The following PPP1R13L variants were observed in gnomAD, a reference collection of about 807,000 sequenced individuals.
PPP1R13L encodes the protein protein phosphatase 1 regulatory subunit 13 like, also known as relA-associated inhibitor.
In PPP1R13L, 50 loss-of-function variants were observed where a neutral mutation model predicts 80.9. The ratio of observed to expected loss-of-function variants is 0.62; its 90% CI spans 0.49 to 0.78. The LOEUF is 0.78. Among genes scored for constraint, PPP1R13L ranks in the 30% least tolerant of loss-of-function variants. The pLI is 0.00. For synonymous variants in PPP1R13L, 602 were observed against 534.3 expected (o/e 1.13, Z -1.75); for missense variants, 1,200 against 1,205.9 (o/e 1.00, Z 0.07).
Position 45,395,499 on chromosome 19 carries a change from G to C in PPP1R13L, c.1291C>G (p.Gln431Glu), listed in dbSNP as rs1165913468. The change falls in exon 7 of 13, where the codon CAA (glutamine) becomes GAA (glutamate). Residue 431 changes from glutamine to glutamate, a missense_variant. Coordinates refer to ENST00000360957, the MANE Select transcript of PPP1R13L (RefSeq NM_006663.4). ...QPQLPPQPQT[Q>E]PQTPTPAPQH... Reference sequence around the variant, plus strand: ...GGGGCTGGGGTAGGGGTTTGGGGTTGGGTCTGGGGCTGTGGGGGCAGCTGG... The same window carrying C: ...GGGGCTGGGGTAGGGGTTTGGGGTTCGGTCTGGGGCTGTGGGGGCAGCTGG... The C allele has an allele frequency of 1.3e-6, 2 of 1,485,742 alleles. No homozygotes were observed. The highest frequency in any genetic ancestry group is 2.8e-5 in the African/African-American group (2 of 71,544). 92.0% of individuals were successfully genotyped at this position (1,485,742 alleles called of 1,614,324 possible).
chr19:45,386,362 C>CAT (rs1235509602), intron 8 of PPP1R13L, among the ~76,000 whole-genome samples, 182 bp from the exon 9 acceptor site: 1 of 152,112 alleles, frequency 6.6e-6, no homozygotes, highest in East Asian at 1.9e-4. Context: ...AGTTCCCTGC[C>CAT]ATAGACAGGG....
At chr19:45,386,629 CTCT>C (rs1396291538) in intron 8 of PPP1R13L, among the ~76,000 whole-genome samples, 1 of 133,352 alleles carries the variant, frequency 7.5e-6, no homozygotes, top group Non-Finnish European at 1.6e-5. Flanking sequence ...TTTTCTTTTT[CTCT>C]TTTTTTTTTT....
intron 8 of PPP1R13L, among the ~76,000 whole-genome samples, 179 bp from the exon 9 acceptor site, chr19:45,386,359 T>C (rs944857730): frequency 1.3e-5 from 2 of 152,166 alleles, no homozygotes; most frequent in African/African-American, 4.8e-5. Context: ...TCCAGTTCCC[T>C]GCCATAGACA....
intron 8 of PPP1R13L, among the ~76,000 whole-genome samples, chr19:45,387,006 T>C (rs1457820558): frequency 6.6e-6 from 1 of 151,496 alleles, no homozygotes; most frequent in African/African-American, 2.4e-5. Context: ...AGGTGGCTCA[T>C]GTCTGTAATC....
chr19:45,403,966 C>G (rs1599781934), intron 1 of PPP1R13L, among the ~76,000 whole-genome samples: 1 of 152,148 alleles, frequency 6.6e-6, no homozygotes, highest in South Asian at 2.1e-4. Flanking sequence ...CCCACAATAC[C>G]CCAGGTCAGA....
Position 45,396,824 on chromosome 19 carries a change from C to G in PPP1R13L, c.433G>C (p.Ala145Pro). Residue 145 changes from alanine to proline, a missense_variant, in exon 4 of 13, where the codon GCC becomes CCC. This residue lies in a region of PPP1R13L where 764 missense variants were observed against 714.5 expected (regional missense o/e 1.07). Transcript: ENST00000360957. The surrounding 1 kb of genome is among the most constrained non-coding windows in gnomAD (Gnocchi z 5.3). ...AGGGAGCTGCCTGCGCCATCGAAGG[C>G]GCGGGGCCGGGGCGAGGTCGCGCGG... Reference protein sequence around the residue: ...LDRATSPRPRAFDGAGSSLGR... With the variant: ...LDRATSPRPRPFDGAGSSLGR... 3 of 1,466,950 alleles carry G rather than the reference C, an allele frequency of 2.0e-6. No individual in the cohort carries two copies. The highest frequency in any genetic ancestry group is 2.9e-5 in the East Asian group (1 of 34,934). The allele number at this position is 1,466,950 out of a possible 1,614,324, so 90.9% of individuals were successfully genotyped here. A position where few individuals can be genotyped will look rare whatever the true frequency, so the allele number is the denominator to read the frequency against.
chr19:45,398,198 C>T, intron 2 of PPP1R13L, 51 bp from the exon 3 acceptor site: 1 of 1,612,610 alleles, frequency 6.2e-7, no homozygotes, highest in South Asian at 1.1e-5. Flanking sequence ...CAGGGGCCGG[C>T]CTCAGCACCC....
chr19:45,396,520 C>A lies in PPP1R13L; in HGVS notation c.712+25G>T. On this transcript the variant is annotated intron_variant, in intron 4 of 12. Transcript: ENST00000360957. The surrounding 1 kb of genome is among the most constrained non-coding windows in gnomAD (Gnocchi z 5.3). ...CCGCTTTGACCCCGCGAGTCAAAGG[C>A]CCCGCGAGGGGCCCCTGGGTTCACC... 6.3e-7 allele frequency: 1 copy of A among 1,593,206 alleles called. No individual in the cohort carries two copies. Among genetic ancestry groups the A allele is most frequent in the Non-Finnish European group, 8.5e-7 (1 of 1,172,246 alleles).
At chr19:45,384,874 T>C (rs1972836097) in intron 11 of PPP1R13L, among the ~76,000 whole-genome samples, 2 of 151,960 alleles carry the variant, frequency 1.3e-5, no homozygotes, top group Admixed American at 1.3e-4. Flanking sequence ...AATAAATATT[T>C]GTAGAGACAG....
Position 45,386,152 on chromosome 19 carries a change from C to A in PPP1R13L, c.1844G>T (p.Gly615Val). 2.0e-6 allele frequency: 3 copies of A among 1,538,298 alleles called. No individual in the cohort carries two copies. Among genetic ancestry groups the A allele is most frequent in the Non-Finnish European group, 2.6e-6 (3 of 1,156,194 alleles). Residue 615 changes from glycine (G) to valine (V), a missense_variant, in exon 9 of 13, where the codon GGC (glycine) becomes GTC (valine). Gly to Val is a moderately radical substitution (Grantham distance 109). This residue lies in a region of PPP1R13L where 214 missense variants were observed against 199.6 expected (regional missense o/e 1.07). Transcript: ENST00000360957. ...CGCGCGGCGGGCCTTGCGCGGGGAG[C>A]CCGCCTTCCGCAGCACAGAGCGCAT... ...MEMRSVLRKA[G>V]SPRKARRARL...
In PPP1R13L at chr19:45,396,603, G is replaced by A. The variant is rs749557186; in HGVS notation, c.654C>T (p.Phe218=). 6.0e-6 allele frequency: 9 copies of A among 1,496,212 alleles called. No individual in the cohort carries two copies. In the South Asian group the frequency reaches 1.1e-4, roughly 18 times the overall value. The allele number at this position is 1,496,212 out of a possible 1,614,324, so 92.7% of individuals were successfully genotyped here. Residue 218 remains phenylalanine (F), a synonymous_variant, in exon 4 of 13, where the codon TTC becomes TTT. Transcript: ENST00000360957. This position sits in a 1 kb window ranked among gnomAD's most constrained non-coding sequence, Gnocchi z 5.3. ...CGCCGGAGCCTAGCAGGGAGCTCCC[G>A]AAGGCGGACGCTGGCGCGTCGTAGG... is the stretch of plus-strand genomic sequence containing the variant. The part of the protein sequence containing the change: ...ATAYDAPASA[F]GSSLLGSGGS...
At position 45,396,155 on chromosome 19, in the gene PPP1R13L, G is replaced by T. The variant is rs763450687; in HGVS notation, c.903+13C>A. 6.3e-7 allele frequency: 1 copy of T among 1,595,482 alleles called. No homozygotes were observed. The highest frequency in any genetic ancestry group is 1.1e-5 in the South Asian group (1 of 88,412). Reference sequence around the variant, plus strand: ...CTTCCCCAGCCTCTCCTCCCCAGGCGTCGCCTCCTCACCTTGCCGGTGCCC... The same window carrying T: ...CTTCCCCAGCCTCTCCTCCCCAGGCTTCGCCTCCTCACCTTGCCGGTGCCC... On this transcript the variant is annotated intron_variant, in intron 6 of 12. Transcript: ENST00000360957. The surrounding 1 kb of genome is among the most constrained non-coding windows in gnomAD (Gnocchi z 5.3).
At position 45,382,609 on chromosome 19, in the gene PPP1R13L, C is replaced by A; in HGVS notation, c.2366G>T (p.Arg789Leu). ...GTCGGTCTCCTCCGGCCCGTCCCTC[C>A]GCAGCACGGTGACCGACTCGCCCTC... ...FREGESVTVL[R>L]RDGPEETDWW... Residue 789 changes from arginine (R) to leucine (L), a missense_variant, in exon 12 of 13, where the codon CGG (arginine) becomes CTG (leucine). Around this residue, in one of 5 missense-constraint regions of PPP1R13L, gnomAD observed 165 missense variants for 177.1 expected, o/e 0.93. Transcript: ENST00000360957. The A allele has an allele frequency of 6.2e-7, 1 of 1,613,708 alleles. No homozygotes were observed. The highest frequency in any genetic ancestry group is 1.3e-5 in the African/African-American group (1 of 75,076).
chr19:45,391,538 C>A (rs1162007312), intron 8 of PPP1R13L, among the ~76,000 whole-genome samples: 1 of 152,192 alleles, frequency 6.6e-6, no homozygotes, highest in Non-Finnish European at 1.5e-5. Flanking sequence ...CCAGTGGGAG[C>A]AGGCAGAGTG....
chr19:45,405,126 G>T (rs1392448989), upstream of PPP1R13L: 5 of 881,618 alleles, frequency 5.7e-6, no homozygotes, highest in East Asian at 6.0e-4. Flanking sequence ...AGGGAGGCGG[G>T]TCCCGGTGGG....
intron 8 of PPP1R13L, among the ~76,000 whole-genome samples, chr19:45,391,143 A>G (rs1189457495): frequency 6.6e-6 from 1 of 151,814 alleles, no homozygotes; most frequent in East Asian, 2.0e-4. Context: ...GGTTGCAGTG[A>G]GCCGAGGTCA....
chr19:45,388,131 G>A (rs762804474), intron 8 of PPP1R13L, among the ~76,000 whole-genome samples: 6 of 151,652 alleles, frequency 4.0e-5, no homozygotes, highest in African/African-American at 1.5e-4. Flanking sequence ...TGGCACCATC[G>A]CACTCCAGCC....
At chr19:45,390,834 T>G (rs1972957365) in intron 8 of PPP1R13L, among the ~76,000 whole-genome samples, 1 of 152,050 alleles carries the variant, frequency 6.6e-6, no homozygotes, top group Non-Finnish European at 1.5e-5. Context: ...TCCACCCACC[T>G]CGGCCTCCCA....
In PPP1R13L at chr19:45,396,175, G is replaced by A. The variant is rs1973085718; in HGVS notation, c.896C>T (p.Thr299Ile). ...CAGGCGTCGCCTCCTCACCTTGCCGGTGCCCCCCAGTCCATCCAGGCTGCT... is the reference window on the plus strand; with the variant it reads ...CAGGCGTCGCCTCCTCACCTTGCCGATGCCCCCCAGTCCATCCAGGCTGCT... ...RESSLDGLGG[T>I]GKDNLTSATL... is the part of the protein sequence containing the mutation. The change falls in exon 6 of 13, where the codon ACC becomes ATC. Residue 299 changes from threonine (T) to isoleucine (I), a missense_variant. This residue lies in a region of PPP1R13L where 764 missense variants were observed against 714.5 expected (regional missense o/e 1.07). Transcript: ENST00000360957. This position sits in a 1 kb window ranked among gnomAD's most constrained non-coding sequence, Gnocchi z 5.3. 1 of 1,607,574 alleles carries A rather than the reference G, an allele frequency of 6.2e-7. No individual in the cohort carries two copies. The highest frequency in any genetic ancestry group is 8.5e-7 in the Non-Finnish European group (1 of 1,178,186).
Sources: allele counts gnomAD v4.1 joint callset (sites outside exome capture counted in the v4.1 genomes callset), GRCh38; gene constraint gnomAD v4.1.1; regional missense constraint gnomAD v4.1.1; non-coding constraint Gnocchi (gnomAD v3.1); transcripts MANE v1.5; gene names NCBI Gene and HGNC (gene_info 2026-07-23, HGNC 2026-07-21).